The following NTNG1 variants were observed in gnomAD, a reference collection of about 807,000 sequenced individuals.
NTNG1 encodes netrin G1.
A neutral mutation model predicts 54.0 loss-of-function variants in NTNG1; 16 were observed. The ratio of observed to expected loss-of-function variants is 0.30; its 90% CI spans 0.20 to 0.45. The LOEUF is 0.45. Ranked by LOEUF, NTNG1 falls within the 20% of genes least tolerant of loss-of-function variation. The pLI, the probability that NTNG1 is intolerant of heterozygous loss-of-function variation, is 1.00. For missense variants in NTNG1, 530 were observed against 678.7 expected (o/e 0.78, Z 2.43); for synonymous variants, 255 against 263.1 (o/e 0.97, Z 0.30).
At chr1:107,324,087 A>C (rs909352083) in intron 2 of NTNG1, among the ~76,000 whole-genome samples, 195 bp from the exon 3 acceptor site, 2 of 152,056 alleles carry the variant, frequency 1.3e-5, no homozygotes, top group Non-Finnish European at 2.9e-5. Flanking sequence ...GAAGGAAACA[A>C]GACAAGAAAA....
chr1:107,228,574 T>C (rs1298625847), intron 2 of NTNG1, among the ~76,000 whole-genome samples: 2 of 152,186 alleles, frequency 1.3e-5, no homozygotes, highest in Non-Finnish European at 2.9e-5. Flanking sequence ...ATAATTAATA[T>C]TGACTGTATG....
intron 3 of NTNG1, among the ~76,000 whole-genome samples, chr1:107,338,386 C>T (rs916338249): frequency 5.9e-5 from 9 of 151,874 alleles, no homozygotes; most frequent in African/African-American, 1.9e-4. Flanking sequence ...CATCCTGAGT[C>T]CCATAGCTCA....
chr1:107,412,121 G>A (rs1185267015), intron 5 of NTNG1, among the ~76,000 whole-genome samples: 3 of 150,758 alleles, frequency 2.0e-5, no homozygotes, highest in African/African-American at 7.3e-5. Context: ...TTAAGTGTGA[G>A]CTGATATCTC....
intron 2 of NTNG1, among the ~76,000 whole-genome samples, chr1:107,232,187 T>C (rs937675375): frequency 6.6e-6 from 1 of 152,232 alleles, no homozygotes; most frequent in Admixed American, 6.5e-5. Flanking sequence ...TCCTTTCTAC[T>C]ATAATAGTAT....
chr1:107,348,318 G>A (rs931444652), intron 3 of NTNG1, among the ~76,000 whole-genome samples: 24 of 152,040 alleles, frequency 1.6e-4, no homozygotes, highest in Admixed American at 3.9e-4. Flanking sequence ...AAGAGACGGC[G>A]TTTTGCCATG....
At chr1:107,189,831 AAG>A (rs1195965255) in intron 2 of NTNG1, among the ~76,000 whole-genome samples, 22 of 150,990 alleles carry the variant, frequency 1.5e-4, no homozygotes, top group South Asian at 8.4e-4. Context: ...AAAAAAAAAA[AAG>A]GGGGGGGCCT....
At chr1:107,214,805 A>G (rs1012893160) in intron 2 of NTNG1, among the ~76,000 whole-genome samples, 4 of 140,922 alleles carry the variant, frequency 2.8e-5, no homozygotes, top group African/African-American at 8.0e-5. Context: ...TTTTTTTTCA[A>G]TTTTCTGATT....
intron 2 of NTNG1, among the ~76,000 whole-genome samples, chr1:107,295,737 C>T (rs1203848297): frequency 1.3e-5 from 2 of 151,764 alleles, no homozygotes; most frequent in Admixed American, 6.6e-5. Flanking sequence ...TATATATACA[C>T]ATACATATAT....
intron 2 of NTNG1, among the ~76,000 whole-genome samples, chr1:107,176,261 A>T (rs892493218): frequency 6.6e-6 from 1 of 152,146 alleles, no homozygotes; most frequent in Non-Finnish European, 1.5e-5. Context: ...TTCAACTGCA[A>T]TCAGCAACTT....
intron 2 of NTNG1, among the ~76,000 whole-genome samples, chr1:107,179,365 A>G (rs1416290885): frequency 6.6e-6 from 1 of 152,128 alleles, no homozygotes; most frequent in African/African-American, 2.4e-5. Flanking sequence ...CTAGAAACTG[A>G]AGCATCTCAG....
At chr1:107,211,182 T>C (rs1659576256) in intron 2 of NTNG1, among the ~76,000 whole-genome samples, 1 of 152,144 alleles carries the variant, frequency 6.6e-6, no homozygotes, top group Non-Finnish European at 1.5e-5. Context: ...TGTAGAAGCA[T>C]CATATAAGTC....
intron 2 of NTNG1, among the ~76,000 whole-genome samples, chr1:107,253,887 A>T (rs1570965495): frequency 6.6e-6 from 1 of 152,246 alleles, no homozygotes; most frequent in East Asian, 1.9e-4. Flanking sequence ...TAACTATGAC[A>T]ACTATGAAAC....
intron 3 of NTNG1, among the ~76,000 whole-genome samples, chr1:107,356,661 T>G (rs1424263037): frequency 6.6e-6 from 1 of 152,038 alleles, no homozygotes; most frequent in Non-Finnish European, 1.5e-5. Flanking sequence ...GGCTATTTTC[T>G]GAAGGGAGTC....
intron 5 of NTNG1, among the ~76,000 whole-genome samples, chr1:107,417,423 A>G (rs1247569431): frequency 6.6e-6 from 1 of 152,116 alleles, no homozygotes; most frequent in African/African-American, 2.4e-5. Context: ...AGGAAACAAC[A>G]TGATAATACC....
intron 7 of NTNG1, among the ~76,000 whole-genome samples, chr1:107,447,009 A>G (rs1676345945): frequency 1.3e-5 from 2 of 152,220 alleles, no homozygotes; most frequent in South Asian, 4.2e-4. Context: ...AACAATTGCT[A>G]AGATATATTT....
intron 2 of NTNG1, among the ~76,000 whole-genome samples, chr1:107,238,990 C>T (rs1351136335): frequency 6.6e-6 from 1 of 152,092 alleles, no homozygotes; most frequent in African/African-American, 2.4e-5. Flanking sequence ...TCACCCAGTT[C>T]ATTGATTTGT....
intron 3 of NTNG1, among the ~76,000 whole-genome samples, chr1:107,355,485 A>G (rs1570751182): frequency 6.6e-6 from 1 of 152,152 alleles, no homozygotes; most frequent in South Asian, 2.1e-4. Context: ...ATTTAAAGTT[A>G]TAATTCACAG....
intron 2 of NTNG1, among the ~76,000 whole-genome samples, chr1:107,172,122 C>T (rs1656292310): frequency 6.6e-6 from 1 of 151,902 alleles, no homozygotes; most frequent in Non-Finnish European, 1.5e-5. Context: ...AGCATTTTGC[C>T]CCTTGCTTAT....
chr1:107,338,472 G>A (rs1277839346), intron 3 of NTNG1, among the ~76,000 whole-genome samples: 6 of 152,072 alleles, frequency 3.9e-5, no homozygotes, highest in Admixed American at 2.6e-4. Flanking sequence ...GCTAGAGGAA[G>A]GTAGAAGCTA....
Sources: gnomAD v4.1 joint callset for allele counts (sites outside exome capture counted in the v4.1 genomes callset) on GRCh38, gnomAD v4.1.1 for gene constraint, MANE v1.5 for transcripts, NCBI Gene and HGNC (gene_info 2026-07-23, HGNC 2026-07-21) for gene names.